Variants in TOP1MT observed in about 807,000 individuals in gnomAD.
TOP1MT encodes DNA topoisomerase I, mitochondrial.
Under a neutral mutation model 73.9 loss-of-function variants are expected in TOP1MT, and 80 were observed. The ratio of observed to expected loss-of-function variants is 1.08; its 90% CI spans 0.90 to 1.30. The LOEUF (loss-of-function observed/expected upper bound fraction) is 1.30, where lower values mean the gene tolerates loss of function less well. TOP1MT is among the 50% of genes most tolerant of loss of function. The pLI is 0.00. For synonymous variants in TOP1MT, 338 were observed against 326.4 expected (o/e 1.04, Z -0.38); for missense variants, 815 against 808.0 (o/e 1.01, Z -0.10).
chr8:143,350,512 A>G (rs1817302818), intron 1 of TOP1MT, among the ~76,000 whole-genome samples: 1 of 152,126 alleles, frequency 6.6e-6, no homozygotes, highest in Non-Finnish European at 1.5e-5. Flanking sequence ...TTGTATTTTT[A>G]GTAGAGACGG....
At chr8:143,342,022 T>C (rs1563771164) in intron 2 of TOP1MT, among the ~76,000 whole-genome samples, 1 of 146,656 alleles carries the variant, frequency 6.8e-6, no homozygotes, top group Non-Finnish European at 1.5e-5. Context: ...TGTTATTATA[T>C]TAGAGACAGA....
At position 143,310,183 on chromosome 8, in the gene TOP1MT, G is replaced by C; in HGVS notation, c.1588C>G (p.Leu530Val). The C allele has an allele frequency of 1.2e-6, 2 of 1,600,658 alleles. No homozygotes were observed. Among genetic ancestry groups the C allele is most frequent in the Non-Finnish European group, 1.7e-6 (2 of 1,173,740 alleles). Residue 530 changes from leucine to valine, a missense_variant, in exon 13 of 14, where the codon CTG (leucine) becomes GTG (valine). By Grantham distance (32) the Leu-to-Val change is conservative (BLOSUM62 1). Transcript: ENST00000329245. ...LEKKRRLLEK[L>V]QEQLAQLSVQ... ...CTCAGCTGCGCCAGCTGCTCCTGCA[G>C]CTTCTCCAGGAGCCGCCTCTTCTTC...
At chr8:143,350,194 C>T (rs1052139175) in intron 1 of TOP1MT, 7 of 152,212 alleles carry the variant, frequency 4.6e-5, no homozygotes, top group East Asian at 1.9e-4. Flanking sequence ...GCAGCACATA[C>T]GCTAAAAGTG....
intron 8 of TOP1MT, 26 bp downstream of exon 8, chr8:143,321,175 G>A (rs780207012): frequency 1.8e-5 from 28 of 1,552,080 alleles, no homozygotes; most frequent in Middle Eastern, 1.7e-4. Context: ...TCACATAGCG[G>A]GGGCAGCTGG....
At chr8:143,313,379 C>T (rs1170918549) in intron 12 of TOP1MT, among the ~76,000 whole-genome samples, 1 of 151,610 alleles carries the variant, frequency 6.6e-6, no homozygotes, top group East Asian at 1.9e-4. Context: ...GGTGAAACCC[C>T]ATCTGTACTA....
intron 5 of TOP1MT, among the ~76,000 whole-genome samples, chr8:143,324,949 T>G (rs150200410): frequency 2.8e-4 from 43 of 152,300 alleles, no homozygotes; most frequent in African/African-American, 9.6e-4. Flanking sequence ...CTGGGGGTCC[T>G]GCAGGCAGGG....
intron 12 of TOP1MT, among the ~76,000 whole-genome samples, chr8:143,312,776 T>C (rs529741260): frequency 6.6e-6 from 1 of 152,344 alleles, no homozygotes; most frequent in Non-Finnish European, 1.5e-5. Flanking sequence ...TCTGTTTGCA[T>C]ACAATATGGC....
rs1175430116 is a variant in TOP1MT, at chr8:143,309,811, G to A, written c.1703+257C>T. 2.6e-6 allele frequency: 4 copies of A among 1,533,510 alleles called. No homozygotes were observed. In the East Asian group the frequency reaches 7.4e-5, roughly 28 times the overall value. The allele number at this position is 1,533,510 out of a possible 1,614,324, so 95.0% of individuals were successfully genotyped here. A position where few individuals can be genotyped will look rare whatever the true frequency, so the allele number is the denominator to read the frequency against. On this transcript the variant is annotated intron_variant, in intron 13 of 13. Transcript: ENST00000329245. ...CTCCCACTCCCTGTGGGCAGGCTGA[G>A]CTCCACAGGCCCTCCTGATGCCTCC...
chr8:143,321,552 G>A (rs905871814), intron 7 of TOP1MT, among the ~76,000 whole-genome samples, 166 bp from the exon 8 acceptor site: 102 of 33,744 alleles, frequency 3.0e-3, no homozygotes, highest in African/African-American at 6.5e-3. Context: ...CGCCACACAC[G>A]CACGCCACAC....
rs746459873 is a variant in TOP1MT, at chr8:143,334,778, G to T, written c.84C>A (p.Val28=). 1 of 1,593,960 alleles carries T rather than the reference G, an allele frequency of 6.3e-7. No individual in the cohort carries two copies. Among genetic ancestry groups the T allele is most frequent in the Non-Finnish European group, 8.5e-7 (1 of 1,172,292 alleles). The change falls in exon 1 of 14, where the codon GTC becomes GTA. Residue 28 remains valine, a synonymous_variant. Coordinates refer to ENST00000329245, the MANE Select transcript of TOP1MT (RefSeq NM_052963.3). ...EVPRRPASRG[V]PGSRRTQKGS... ...CCTTCTGCGTCCTGCGCGAGCCCGGGACACCCCGGGAGGCCGGGCGGCGGG... is the reference window on the plus strand; with the variant it reads ...CCTTCTGCGTCCTGCGCGAGCCCGGTACACCCCGGGAGGCCGGGCGGCGGG...
rs143769145 is a variant in TOP1MT at position 143,324,004 on chromosome 8, C to G, written c.955G>C (p.Asp319His). 8.2e-4 allele frequency: 1,317 copies of G among 1,613,714 alleles called. 3 individuals carry two copies. The African/African-American group carries it at 1.0e-2, about 12-fold the overall frequency. ...RQRAVALYFIDKLALRAGNEK... is the reference protein window; with the variant it reads ...RQRAVALYFIHKLALRAGNEK... ...GAAGCGAGAAGGCCGCATACCTTAT[C>G]GATGAAATACAGGGCCACCGCCCGC... is the stretch of plus-strand genomic sequence containing the variant. The change falls in exon 7 of 14, where the codon GAT (aspartate) becomes CAT (histidine). Residue 319 changes from aspartate (D) to histidine (H), a missense_variant. Around this residue, in one of 3 missense-constraint regions of TOP1MT, gnomAD observed 751 missense variants for 725.4 expected, o/e 1.04. Coordinates refer to ENST00000329245, the MANE Select transcript of TOP1MT (RefSeq NM_052963.3).
rs902630053 is a variant in TOP1MT, at chr8:143,310,180, G to T, written c.1591C>A (p.Gln531Lys). ...ACACTCAGCTGCGCCAGCTGCTCCT[G>T]CAGCTTCTCCAGGAGCCGCCTCTTC... ...EKKRRLLEKL[Q>K]EQLAQLSVQA... Residue 531 changes from glutamine to lysine, a missense_variant, in exon 13 of 14, where the codon CAG becomes AAG. Physicochemically the swap from Gln to Lys is moderately conservative, Grantham distance 53. Transcript: ENST00000329245. 2.5e-6 allele frequency: 4 copies of T among 1,602,034 alleles called. No homozygotes were observed. The highest frequency in any genetic ancestry group is 3.4e-6 in the Non-Finnish European group (4 of 1,174,424).
At chr8:143,331,184 C>T (rs371576359) in intron 2 of TOP1MT, 40 bp downstream of exon 2, 4 of 1,520,554 alleles carry the variant, frequency 2.6e-6, no homozygotes, top group Non-Finnish European at 3.6e-6. Flanking sequence ...CCCAGGGAAC[C>T]AAGCGCAGGC....
rs116710505 is a variant in TOP1MT at position 143,312,703 on chromosome 8, G to A, written c.1554-2486C>T. Among the ~76,000 whole-genome samples the A allele has an allele frequency of 9.9e-3, 1,505 of 152,214 alleles. 28 individuals carry two copies. Among genetic ancestry groups the A allele is most frequent in the African/African-American group, 0.032 (1,349 of 41,524 alleles). ...TCCAGTGTACTGGAGATTCCTGCCAGGTCCATAATGCAAAAATATGAAATA... is the reference window on the plus strand; with the variant it reads ...TCCAGTGTACTGGAGATTCCTGCCAAGTCCATAATGCAAAAATATGAAATA... On this transcript the variant is annotated intron_variant, in intron 12 of 13. Coordinates refer to ENST00000329245, the MANE Select transcript of TOP1MT (RefSeq NM_052963.3).
chr8:143,324,377 C>T, intron 6 of TOP1MT, 108 bp downstream of exon 6: 1 of 1,541,836 alleles, frequency 6.5e-7, no homozygotes, highest in South Asian at 1.1e-5. Context: ...TGGCCGACTC[C>T]CAGCCCATCT....
chr8:143,340,982 A>T (rs1817069289), intron 2 of TOP1MT, among the ~76,000 whole-genome samples: 1 of 151,760 alleles, frequency 6.6e-6, no homozygotes, highest in South Asian at 2.1e-4. Context: ...CTCACTGTGC[A>T]CCTGCTCCTG....
At chr8:143,330,637 TC>T (rs1563765920) in intron 2 of TOP1MT, among the ~76,000 whole-genome samples, 1 of 152,152 alleles carries the variant, frequency 6.6e-6, no homozygotes, top group Non-Finnish European at 1.5e-5. Flanking sequence ...AAGGATGCCT[TC>T]TAGCAGAGAT....
At chr8:143,324,682 G>C (rs1816657822) in intron 5 of TOP1MT, 53 bp from the exon 6 acceptor site, 1 of 1,588,648 alleles carries the variant, frequency 6.3e-7, no homozygotes, top group African/African-American at 1.4e-5. Flanking sequence ...TCTCTGGAAT[G>C]CAAGCAAAAG....
chr8:143,323,479 G>A (rs1231340993), intron 7 of TOP1MT, among the ~76,000 whole-genome samples: 3 of 80,020 alleles, frequency 3.7e-5, no homozygotes, highest in South Asian at 4.3e-4. Flanking sequence ...CACCACACAC[G>A]CACGCCACAC....
Sources: allele counts gnomAD v4.1 joint callset (sites outside exome capture counted in the v4.1 genomes callset), GRCh38; gene constraint gnomAD v4.1.1; regional missense constraint gnomAD v4.1.1; transcripts MANE v1.5; gene names NCBI Gene and HGNC (gene_info 2026-07-23, HGNC 2026-07-21).